Variants in LAMA3 observed in about 807,000 individuals in gnomAD.
The protein encoded by LAMA3 is laminin subunit alpha 3.
In LAMA3, 281 loss-of-function variants were observed where a neutral mutation model predicts 402.0. That is an observed-to-expected ratio of 0.70 (90% CI 0.63 to 0.77). The LOEUF (loss-of-function observed/expected upper bound fraction) is 0.77, where lower values mean the gene tolerates loss of function less well. LAMA3 is among the 30% of genes least tolerant of loss of function. The pLI, the probability that LAMA3 is intolerant of heterozygous loss-of-function variation, is 0.00. For synonymous variants in LAMA3, 1,431 were observed against 1,558.4 expected, an observed-to-expected ratio of 0.92 and a Z score of 1.93; for missense variants, 3,840 against 4,215.5, an observed-to-expected ratio of 0.91 and a Z score of 2.47.
chr18:23,788,971 C>T (rs537762872), intron 12 of LAMA3, among the ~76,000 whole-genome samples: 8 of 151,202 alleles, frequency 5.3e-5, no homozygotes, highest in African/African-American at 1.9e-4. Context: ...ATTTTTACAA[C>T]TCAATACTTA....
At chr18:23,752,309 C>CA (rs2061767088) in intron 5 of LAMA3, among the ~76,000 whole-genome samples, 1 of 151,954 alleles carries the variant, frequency 6.6e-6, no homozygotes, top group Admixed American at 6.6e-5. Context: ...TGTACCCTAC[C>CA]AATTTTTTTT....
intron 62 of LAMA3, among the ~76,000 whole-genome samples, chr18:23,926,876 G>A (rs1184187483): frequency 1.3e-5 from 2 of 152,158 alleles, no homozygotes; most frequent in African/African-American, 2.4e-5. Context: ...CTAACTTGAC[G>A]ATCTCACATT....
chr18:23,916,113 T>A (rs2081612673), intron 59 of LAMA3, among the ~76,000 whole-genome samples: 1 of 151,830 alleles, frequency 6.6e-6, no homozygotes, highest in East Asian at 1.9e-4. Context: ...TTGGTACTCT[T>A]CCACCTCAAT....
At chr18:23,924,547 T>C (rs1238894197) in intron 62 of LAMA3, among the ~76,000 whole-genome samples, 67 of 146,910 alleles carry the variant, frequency 4.6e-4, no homozygotes, top group African/African-American at 1.5e-3. Context: ...TTTTTTCTTT[T>C]TTTTTTTTTT....
intron 32 of LAMA3, 27 bp from the exon 33 acceptor site, chr18:23,857,817 T>C: frequency 6.2e-7 from 1 of 1,614,154 alleles, no homozygotes; most frequent in South Asian, 1.1e-5. Flanking sequence ...AAGATGATGA[T>C]TTTTGCTTCC....
chr18:23,781,480 G>A (rs1050463332), intron 11 of LAMA3, among the ~76,000 whole-genome samples: 1 of 152,190 alleles, frequency 6.6e-6, no homozygotes, highest in Non-Finnish European at 1.5e-5. Flanking sequence ...ATTTTTACAT[G>A]TACATGAGAG....
intron 1 of LAMA3, among the ~76,000 whole-genome samples, chr18:23,701,051 T>C (rs772174848): frequency 1.3e-5 from 2 of 152,102 alleles, no homozygotes; most frequent in Non-Finnish European, 2.9e-5. Flanking sequence ...GGTAAGAAAG[T>C]CAAAATAATA....
At chr18:23,861,571 T>C in intron 34 of LAMA3, 75 bp from the exon 35 acceptor site, 1 of 1,541,124 alleles carries the variant, frequency 6.5e-7, no homozygotes, top group Non-Finnish European at 9.0e-7. Flanking sequence ...CTTTCTGTAG[T>C]ACATCATGCA....
chr18:23,751,482 G>T (rs1481716217), intron 5 of LAMA3, among the ~76,000 whole-genome samples: 2 of 152,174 alleles, frequency 1.3e-5, no homozygotes, highest in South Asian at 2.1e-4. Flanking sequence ...AGGGAAGCAG[G>T]TTCTTTCTAT....
At chr18:23,835,588 G>A (rs1389363472) in intron 24 of LAMA3, among the ~76,000 whole-genome samples, 1 of 152,146 alleles carries the variant, frequency 6.6e-6, no homozygotes, top group African/African-American at 2.4e-5. Flanking sequence ...TTCAGTCTAG[G>A]AAACACTTTC....
At chr18:23,863,085 A>G (rs2064265336) in intron 35 of LAMA3, among the ~76,000 whole-genome samples, 1 of 152,198 alleles carries the variant, frequency 6.6e-6, no homozygotes, top group Non-Finnish European at 1.5e-5. Flanking sequence ...ACCTAATTTC[A>G]GAACTGCCAT....
At position 23,747,959 on chromosome 18, in the gene LAMA3, A is replaced by G. The variant is rs756651059; in HGVS notation, c.464A>G (p.Tyr155Cys). 8.8e-6 allele frequency: 14 copies of G among 1,597,290 alleles called. No homozygotes were observed. The Admixed American group carries it at 1.7e-4, about 19-fold the overall frequency. The change falls in exon 3 of 75, where the codon TAT becomes TGT. Residue 155 changes from tyrosine (Y) to cysteine (C), a missense_variant. Around this residue, in one of 3 missense-constraint regions of LAMA3, gnomAD observed 2,109 missense variants for 2,376.0 expected, o/e 0.89. Transcript: ENST00000313654. The part of the protein sequence containing the change: ...LDLGQLFHVA[Y>C]ILIKFANSPR... ...TTTTATCAGCTCTTCCATGTGGCCT[A>G]TATTTTAATCAAATTTGCAAATTCT...
chr18:23,918,958 G>A lies in LAMA3; in HGVS notation c.7924-1977G>A, dbSNP rs1157051785. On this transcript the variant is annotated intron_variant, in intron 60 of 74. Coordinates refer to ENST00000313654, the MANE Select transcript of LAMA3 (RefSeq NM_198129.4). The surrounding 1 kb of genome is among the most constrained non-coding windows in gnomAD (Gnocchi z 4.1). ...CCAGCCAGCCTGAAGGATACATAGA[G>A]CAGAGAAGTCATCCAGCATCTTCAG... Among the ~76,000 whole-genome samples the A allele has an allele frequency of 1.3e-5, 2 of 152,246 alleles. No individual in the cohort carries two copies. The highest frequency in any genetic ancestry group is 2.4e-5 in the African/African-American group (1 of 41,460).
In LAMA3 at chr18:23,777,619, G is replaced by A; in HGVS notation, c.1468G>A (p.Gly490Arg). The change falls in exon 11 of 75, where the codon GGG becomes AGG. Residue 490 changes from glycine to arginine, a missense_variant and splice_region_variant. By Grantham distance (125) the Gly-to-Arg change is moderately radical (BLOSUM62 -2). Coordinates refer to ENST00000313654, the MANE Select transcript of LAMA3 (RefSeq NM_198129.4). The stretch of plus-strand genomic sequence containing the variant: ...AGATCCAGTAGCTGGAGATATAAAA[G>A]GCAAGTAACCTCCCTTTTGGTTTAA... ...SEDPVAGDIK[G>R]CDCNLEGVLP... The A allele has an allele frequency of 6.2e-7, 1 of 1,607,528 alleles. No homozygotes were observed. Among genetic ancestry groups the A allele is most frequent in the African/African-American group, 1.3e-5 (1 of 74,874 alleles).
chr18:23,827,405 C>T lies in LAMA3; in HGVS notation c.2761C>T (p.Pro921Ser). Residue 921 changes from proline (P) to serine (S), a missense_variant, in exon 23 of 75, where the codon CCC (proline) becomes TCC (serine). Physicochemically the swap from Pro to Ser is moderately conservative, Grantham distance 74. Around this residue, in one of 3 missense-constraint regions of LAMA3, gnomAD observed 2,109 missense variants for 2,376.0 expected, o/e 0.89. Coordinates refer to ENST00000313654, the MANE Select transcript of LAMA3 (RefSeq NM_198129.4). ...RHFLLDGEPR[P>S]VAVRQPTPAH... ...CTTCCTGCTTGATGGGGAGCCAAGA[C>T]CCGTGGCAGTGAGGCAGCCCACACC... The T allele has an allele frequency of 5.6e-6, 9 of 1,614,182 alleles. No homozygotes were observed. Among genetic ancestry groups the T allele is most frequent in the South Asian group, 1.1e-5 (1 of 91,078 alleles).
chr18:23,745,600 C>T (rs944216836), intron 2 of LAMA3, among the ~76,000 whole-genome samples: 3 of 152,160 alleles, frequency 2.0e-5, no homozygotes, highest in Non-Finnish European at 4.4e-5. Context: ...TGTTTTTATA[C>T]CTGCAAGGTG....
intron 8 of LAMA3, among the ~76,000 whole-genome samples, chr18:23,770,533 G>A (rs1259967131): frequency 3.3e-5 from 5 of 151,998 alleles, no homozygotes; most frequent in Admixed American, 1.3e-4. Flanking sequence ...AGGCTGAGGC[G>A]GGCGGATCAC....
At chr18:23,851,863 T>G (rs1052478194) in intron 32 of LAMA3, among the ~76,000 whole-genome samples, 2 of 152,212 alleles carry the variant, frequency 1.3e-5, no homozygotes, top group African/African-American at 2.4e-5. Flanking sequence ...AAAGTTAGAT[T>G]GGATAATCGT....
Position 23,905,620 on chromosome 18 carries a change from G to A in LAMA3, c.6714G>A (p.Lys2238=). 6.3e-7 allele frequency: 1 copy of A among 1,590,624 alleles called. No homozygotes were observed. Among genetic ancestry groups the A allele is most frequent in the Non-Finnish European group, 8.6e-7 (1 of 1,159,352 alleles). Residue 2238 remains lysine, a synonymous_variant, in exon 52 of 75, where the codon AAG becomes AAA. Coordinates refer to ENST00000313654, the MANE Select transcript of LAMA3 (RefSeq NM_198129.4). Reference sequence around the variant, plus strand: ...CCAAGATGACACAAAAGAAGCTAAAGCAAGGTATTAGGGGGAGTGGGCAAT... The same window carrying A: ...CCAAGATGACACAAAAGAAGCTAAAACAAGGTATTAGGGGGAGTGGGCAAT... ...NEAKMTQKKL[K]QEVSPALNNL...
Sources: gnomAD v4.1 joint callset for allele counts (sites outside exome capture counted in the v4.1 genomes callset) on GRCh38, gnomAD v4.1.1 for gene constraint, gnomAD v4.1.1 regional missense constraint, Gnocchi (gnomAD v3.1) non-coding constraint, MANE v1.5 for transcripts, NCBI Gene and HGNC (gene_info 2026-07-23, HGNC 2026-07-21) for gene names.